KLF12: variants seen among roughly 807,000 people sequenced by gnomAD.
KLF12 encodes KLF transcription factor 12.
A neutral mutation model predicts 37.8 loss-of-function variants in KLF12; 9 were observed. The observed-to-expected ratio is 0.24, with a 90% CI of 0.14 to 0.42. KLF12 has a LOEUF of 0.42. Among genes scored for constraint, KLF12 ranks in the 10% least tolerant of loss-of-function variants. The pLI is 1.00. For synonymous variants in KLF12, 208 were observed against 202.1 expected (o/e 1.03, Z -0.25); for missense variants, 411 against 516.0 (o/e 0.80, Z 1.97).
At chr13:74,033,049 T>G (rs1050163739) in intron 1 of KLF12, among the ~76,000 whole-genome samples, 1 of 152,212 alleles carries the variant, frequency 6.6e-6, no homozygotes, top group African/African-American at 2.4e-5. Flanking sequence ...ATATGCTATT[T>G]CTTTTTCTCC....
intron 1 of KLF12, among the ~76,000 whole-genome samples, chr13:74,125,838 C>T (rs1783820435): frequency 6.6e-6 from 1 of 152,024 alleles, no homozygotes; most frequent in Non-Finnish European, 1.5e-5. Flanking sequence ...TTGTATAATC[C>T]TTCCACTTTT....
At chr13:74,244,017 C>T in the KLF12 span, among the ~76,000 whole-genome samples, 8 of 152,124 alleles carry the variant, frequency 5.3e-5, no homozygotes, top group Non-Finnish European at 8.8e-5. Flanking sequence ...ATATGAGTAT[C>T]GGAAACATCT....
chr13:74,092,426 C>A (rs1279795858), intron 1 of KLF12, among the ~76,000 whole-genome samples: 1 of 150,950 alleles, frequency 6.6e-6, no homozygotes, highest in Non-Finnish European at 1.5e-5. Flanking sequence ...GAGTTTATAA[C>A]CAGCCGGGCC....
At chr13:74,256,546 G>T in the KLF12 span, among the ~76,000 whole-genome samples, 1 of 152,204 alleles carries the variant, frequency 6.6e-6, no homozygotes, top group Non-Finnish European at 1.5e-5. Context: ...GTTACAGTGG[G>T]TGGGATAATG....
intron 1 of KLF12, among the ~76,000 whole-genome samples, chr13:74,003,790 A>C (rs930864669): frequency 5.9e-5 from 9 of 152,322 alleles, no homozygotes; most frequent in Non-Finnish European, 1.0e-4. Flanking sequence ...TACAGACAGA[A>C]GATAAAATCC....
At chr13:74,111,765 T>G (rs1876986434) in intron 1 of KLF12, among the ~76,000 whole-genome samples, 1 of 152,156 alleles carries the variant, frequency 6.6e-6, no homozygotes, top group African/African-American at 2.4e-5. Context: ...AAACCAGAAA[T>G]GTATTATTTT....
intron 4 of KLF12, among the ~76,000 whole-genome samples, chr13:73,820,777 T>A (rs557240673): frequency 1.3e-5 from 2 of 152,250 alleles, no homozygotes; most frequent in Non-Finnish European, 2.9e-5. Context: ...GTTCTTATAA[T>A]TCCCTAGTGC....
In KLF12 at chr13:74,065,999, G is replaced by A. The variant is rs78352788; in HGVS notation, c.-32+67740C>T. On this transcript the variant is annotated intron_variant, in intron 1 of 7. Transcript: ENST00000377669. ...CATAGAAGACATTCCTGGGGACGCG[G>A]ACATAAAAAGATTAGGGAGACTTTA... 2.5e-4 allele frequency among the ~76,000 whole-genome samples: 38 copies of A among 152,174 alleles called. No individual in the cohort carries two copies. In the East Asian group the frequency reaches 6.8e-3, roughly 27 times the overall value.
At chr13:73,907,329 T>C (rs757869666) in intron 3 of KLF12, among the ~76,000 whole-genome samples, 10 of 152,174 alleles carry the variant, frequency 6.6e-5, no homozygotes, top group Non-Finnish European at 1.3e-4. Context: ...GGCCTCTTGA[T>C]GGTTCCTCAT....
chr13:74,026,265 A>G (rs1294981668), intron 1 of KLF12, among the ~76,000 whole-genome samples: 1 of 152,160 alleles, frequency 6.6e-6, no homozygotes, highest in Non-Finnish European at 1.5e-5. Context: ...TGGAAGAGGA[A>G]AAAAATCAGT....
At chr13:73,905,123 T>C (rs201239807) in intron 3 of KLF12, among the ~76,000 whole-genome samples, 1 of 152,198 alleles carries the variant, frequency 6.6e-6, no homozygotes, top group Non-Finnish European at 1.5e-5. Flanking sequence ...CTTAATCTCA[T>C]GCAATATTAT....
the KLF12 span, among the ~76,000 whole-genome samples, chr13:74,147,997 G>A: frequency 4.6e-5 from 7 of 151,304 alleles, no homozygotes; most frequent in South Asian, 2.1e-4. Context: ...CTGCAACCTC[G>A]GCCTCTCAGG....
chr13:73,991,175 T>C (rs1315596746), intron 2 of KLF12, among the ~76,000 whole-genome samples: 2 of 152,214 alleles, frequency 1.3e-5, no homozygotes, highest in East Asian at 1.9e-4. Context: ...ATAAATACTA[T>C]GATACACATA....
intron 6 of KLF12, among the ~76,000 whole-genome samples, chr13:73,736,996 C>A (rs1269143930): frequency 2.6e-5 from 4 of 152,134 alleles, no homozygotes; most frequent in African/African-American, 9.7e-5. Context: ...TTCAAAAATA[C>A]ACTGTGGTTC....
intron 6 of KLF12, among the ~76,000 whole-genome samples, chr13:73,755,581 T>A (rs2138007551): frequency 6.6e-6 from 1 of 152,182 alleles, no homozygotes; most frequent in African/African-American, 2.4e-5. Flanking sequence ...GAAATTTGAT[T>A]GTGGGCTAAT....
intron 4 of KLF12, among the ~76,000 whole-genome samples, chr13:73,822,154 C>T (rs971231685): frequency 6.6e-6 from 1 of 152,186 alleles, no homozygotes; most frequent in Non-Finnish European, 1.5e-5. Flanking sequence ...GTCTAGCTCA[C>T]ATTTCATTTA....
At chr13:74,180,574 G>T in the KLF12 span, among the ~76,000 whole-genome samples, 1 of 152,184 alleles carries the variant, frequency 6.6e-6, no homozygotes, top group Non-Finnish European at 1.5e-5. Flanking sequence ...GATGGGTGAT[G>T]TCTTCTAAAC....
At chr13:74,284,363 G>A in the KLF12 span, among the ~76,000 whole-genome samples, 1 of 152,172 alleles carries the variant, frequency 6.6e-6, no homozygotes, top group African/African-American at 2.4e-5. Flanking sequence ...AAGTCTTGAA[G>A]GGGGACGTGA....
chr13:74,163,330 T>C, the KLF12 span, among the ~76,000 whole-genome samples: 1 of 152,190 alleles, frequency 6.6e-6, no homozygotes, highest in East Asian at 1.9e-4. Context: ...TGGAATCATA[T>C]CTGTTTATCA....
Sources: gnomAD v4.1 joint callset for allele counts (sites outside exome capture counted in the v4.1 genomes callset) on GRCh38, gnomAD v4.1.1 for gene constraint, MANE v1.5 for transcripts, NCBI Gene and HGNC (gene_info 2026-07-23, HGNC 2026-07-21) for gene names.